Variants in IGF1 observed in about 807,000 individuals in gnomAD.
IGF1 encodes insulin like growth factor 1.
A neutral mutation model predicts 13.8 loss-of-function variants in IGF1; 4 were observed. The observed-to-expected ratio is 0.29, with a 90% CI of 0.14 to 0.66. The LOEUF (loss-of-function observed/expected upper bound fraction) is 0.66, where lower values mean the gene tolerates loss of function less well. Ranked by LOEUF, IGF1 falls within the 30% of genes least tolerant of loss-of-function variation. The pLI, the probability that IGF1 is intolerant of heterozygous loss-of-function variation, is 0.78. For missense variants in IGF1, 124 were observed against 188.5 expected, an observed-to-expected ratio of 0.66 and a Z score of 2.00; for synonymous variants, 76 against 72.6, an observed-to-expected ratio of 1.05 and a Z score of -0.23.
At chr12:102,475,237 A>G (rs1216847750) in intron 2 of IGF1, among the ~76,000 whole-genome samples, 1 of 151,798 alleles carries the variant, frequency 6.6e-6, no homozygotes, top group African/African-American at 2.4e-5. Flanking sequence ...TTACTATTTT[A>G]CTCCAAATCA....
chr12:102,443,537 C>T (rs1223750183), intron 2 of IGF1, among the ~76,000 whole-genome samples: 1 of 152,034 alleles, frequency 6.6e-6, no homozygotes, highest in Non-Finnish European at 1.5e-5. Flanking sequence ...GGGACTACTA[C>T]ATAAGAGAAA....
chr12:102,478,317 G>GA (rs913616635), intron 1 of IGF1, among the ~76,000 whole-genome samples: 21 of 144,390 alleles, frequency 1.5e-4, no homozygotes, highest in South Asian at 6.5e-4. Flanking sequence ...GAGAAAAAAA[G>GA]AAAAAAAAAT....
At chr12:102,439,956 G>A (rs1877569023) in intron 2 of IGF1, among the ~76,000 whole-genome samples, 1 of 152,174 alleles carries the variant, frequency 6.6e-6, no homozygotes, top group African/African-American at 2.4e-5. Context: ...GAAACTTGCT[G>A]ACCCCAGGCG....
rs761087478 is a variant in IGF1, at chr12:102,480,306, A to G, written c.63+13T>C. 2.6e-5 allele frequency: 42 copies of G among 1,610,640 alleles called. No homozygotes were observed. The highest frequency in any genetic ancestry group is 3.4e-5 in the Non-Finnish European group (40 of 1,177,316). ...GAATTCCCCAATGACTTCAAAGAGT[A>G]AGAAATATTTACCTTCAAGAAATCA... On this transcript the variant is annotated intron_variant, in intron 1 of 3. Coordinates refer to ENST00000337514, the MANE Select transcript of IGF1 (RefSeq NM_000618.5).
At chr12:102,460,175 A>T (rs1027925633) in intron 2 of IGF1, among the ~76,000 whole-genome samples, 1 of 152,216 alleles carries the variant, frequency 6.6e-6, no homozygotes, top group Non-Finnish European at 1.5e-5. Context: ...CTTGATTTTT[A>T]TATTTCCAAA....
At chr12:102,402,922 A>C (rs1033310679) in intron 3 of IGF1, among the ~76,000 whole-genome samples, 4 of 152,236 alleles carry the variant, frequency 2.6e-5, no homozygotes, top group Non-Finnish European at 5.9e-5. Flanking sequence ...GTAAGAAAAA[A>C]AATCAATCAC....
At chr12:102,412,595 G>A (rs760492205) in intron 3 of IGF1, among the ~76,000 whole-genome samples, 4 of 152,008 alleles carry the variant, frequency 2.6e-5, no homozygotes, top group Non-Finnish European at 4.4e-5. Context: ...TTGACCAATG[G>A]TTCTTAAAAC....
At chr12:102,413,447 G>A (rs558984546) in intron 3 of IGF1, among the ~76,000 whole-genome samples, 11 of 152,308 alleles carry the variant, frequency 7.2e-5, no homozygotes, top group South Asian at 2.1e-4. Flanking sequence ...GGATGGAGGC[G>A]AGAGAAGGGG....
At chr12:102,412,315 T>A (rs1219415509) in intron 3 of IGF1, among the ~76,000 whole-genome samples, 2 of 152,146 alleles carry the variant, frequency 1.3e-5, no homozygotes, top group African/African-American at 4.8e-5. Flanking sequence ...TCCAAGAAAC[T>A]GTTCTCACCT....
intron 2 of IGF1, 37 bp downstream of exon 2, chr12:102,475,606 A>C (rs1211209385): frequency 7.4e-6 from 12 of 1,611,184 alleles, no homozygotes; most frequent in Non-Finnish European, 1.0e-5. Flanking sequence ...TGTACACTTT[A>C]GACTTGAGCA....
At chr12:102,472,693 A>G (rs899841620) in intron 2 of IGF1, among the ~76,000 whole-genome samples, 7 of 152,308 alleles carry the variant, frequency 4.6e-5, no homozygotes, top group Non-Finnish European at 8.8e-5. Context: ...TTCAAAGACT[A>G]TGTGCTTAGA....
intron 1 of IGF1, among the ~76,000 whole-genome samples, chr12:102,479,944 G>A (rs192128620): frequency 1.8e-4 from 27 of 148,512 alleles, no homozygotes; most frequent in Non-Finnish European, 3.7e-4. Context: ...AAAGAACATG[G>A]TCTTAAAAAT....
chr12:102,464,813 G>A (rs1176560042), intron 2 of IGF1, among the ~76,000 whole-genome samples: 1 of 152,206 alleles, frequency 6.6e-6, no homozygotes, highest in Non-Finnish European at 1.5e-5. Flanking sequence ...AGAGTGCGAA[G>A]ATACTTTTTC....
At chr12:102,419,748 T>G in intron 2 of IGF1, 58 bp from the exon 3 acceptor site, 1 of 1,545,314 alleles carries the variant, frequency 6.5e-7, no homozygotes, top group African/African-American at 1.4e-5. Flanking sequence ...TCTTCAGTCT[T>G]CCACCCAGCT....
intron 3 of IGF1, chr12:102,417,793 T>A (rs745847526): frequency 6.2e-7 from 1 of 1,613,460 alleles, no homozygotes; most frequent in Non-Finnish European, 8.5e-7. Flanking sequence ...CATCCTTGCC[T>A]CTGTCTGTTT....
At chr12:102,434,464 AC>A in intron 2 of IGF1, among the ~76,000 whole-genome samples, 1 of 150,326 alleles carries the variant, frequency 6.7e-6, no homozygotes, top group African/African-American at 2.4e-5. Context: ...CCATGTCCCT[AC>A]AAAGGACATG....
intron 2 of IGF1, among the ~76,000 whole-genome samples, chr12:102,454,704 G>A (rs893297071): frequency 6.6e-6 from 1 of 152,244 alleles, no homozygotes; most frequent in Non-Finnish European, 1.5e-5. Context: ...CAATGTGGAT[G>A]TAAGATTCGC....
chr12:102,457,481 A>C (rs1028166322), intron 2 of IGF1, among the ~76,000 whole-genome samples: 1 of 152,186 alleles, frequency 6.6e-6, no homozygotes, highest in Non-Finnish European at 1.5e-5. Flanking sequence ...TCATCAACTC[A>C]AAGTCAAAGC....
In IGF1 at chr12:102,401,419, C is replaced by A. The variant is rs905184671; in HGVS notation, c.*1088G>T. 6.6e-6 allele frequency: 1 copy of A among 152,642 alleles called. No individual in the cohort carries two copies. The highest frequency in any genetic ancestry group is 1.5e-5 in the Non-Finnish European group (1 of 68,056). 9.5% of individuals were successfully genotyped at this position (152,642 alleles called of 1,614,324 possible). On this transcript the variant is annotated 3_prime_UTR_variant, in exon 4 of 4. Transcript: ENST00000337514. The stretch of plus-strand genomic sequence containing the variant: ...CGCCAGTCCAATTTGCATCAGTGGA[C>A]TTTTGTGTCTGAAGTTCCTCTTGGA...
Sources: allele counts gnomAD v4.1 joint callset (sites outside exome capture counted in the v4.1 genomes callset), GRCh38; gene constraint gnomAD v4.1.1; transcripts MANE v1.5; gene names NCBI Gene and HGNC (gene_info 2026-07-23, HGNC 2026-07-21).